The following SUN1 variants were observed in gnomAD, a reference collection of about 807,000 sequenced individuals.
SUN1 encodes SUN domain-containing protein 1.
SUN1 carries 61 observed loss-of-function variants against 103.2 expected under a neutral mutation model. The observed-to-expected ratio is 0.59, with a 90% CI of 0.48 to 0.73. SUN1 has a LOEUF of 0.73. Ranked by LOEUF, SUN1 falls within the 30% of genes least tolerant of loss-of-function variation. The pLI is 0.00. For missense variants in SUN1, 1,052 were observed against 1,034.6 expected, an observed-to-expected ratio of 1.02 and a Z score of -0.23; for synonymous variants, 490 against 425.7, an observed-to-expected ratio of 1.15 and a Z score of -1.86.
upstream of SUN1, among the ~76,000 whole-genome samples, chr7:829,460 G>A (rs1795870985): frequency 6.6e-6 from 1 of 152,192 alleles, no homozygotes; most frequent in Non-Finnish European, 1.5e-5. Context: ...TAGCTGTAGG[G>A]CTCATCGGTG....
chr7:843,314 G>T lies in SUN1; in HGVS notation c.479-27G>T, dbSNP rs758614627. The T allele has an allele frequency of 2.5e-6, 4 of 1,604,474 alleles. No individual in the cohort carries two copies. In the Admixed American group the frequency reaches 5.2e-5, roughly 21 times the overall value. ...AATATCTGCAGACTGTGATAAACAG[G>T]TTCCATCTACTGTTTGAAAACTTTA... On this transcript the variant is annotated intron_variant, in intron 4 of 18. Transcript: ENST00000401592.
intron 1 of SUN1, among the ~76,000 whole-genome samples, chr7:838,397 C>G (rs1805635382): frequency 2.6e-5 from 4 of 152,196 alleles, no homozygotes. Flanking sequence ...TGGATTCATT[C>G]TACGGCGCAC....
At chr7:828,511 G>A (rs564540240), upstream of SUN1, among the ~76,000 whole-genome samples, 3 of 152,154 alleles carry the variant, frequency 2.0e-5, no homozygotes. Flanking sequence ...ACTTCAGGTG[G>A]TCTGCCTGCC....
intron 1 of SUN1, among the ~76,000 whole-genome samples, chr7:833,807 C>G (rs533421735): frequency 3.3e-5 from 5 of 152,336 alleles, no homozygotes; most frequent in Non-Finnish European, 5.9e-5. Context: ...GTGGTGAGAA[C>G]AGAACGGGCA....
At chr7:837,557 T>C (rs996832361) in intron 1 of SUN1, among the ~76,000 whole-genome samples, 2 of 152,252 alleles carry the variant, frequency 1.3e-5, no homozygotes, top group African/African-American at 4.8e-5. Flanking sequence ...AGATCTCTTA[T>C]CTTCAGAGTT....
At chr7:834,224 G>C (rs145097596) in intron 1 of SUN1, among the ~76,000 whole-genome samples, 11 of 148,210 alleles carry the variant, frequency 7.4e-5, no homozygotes, top group Non-Finnish European at 1.1e-4. Flanking sequence ...GGGGCTGGCC[G>C]GATGGTGTAG....
intron 16 of SUN1, among the ~76,000 whole-genome samples, 199 bp downstream of exon 16, chr7:866,266 T>G (rs945873515): frequency 1.3e-5 from 2 of 152,182 alleles, no homozygotes; most frequent in Admixed American, 1.3e-4. Context: ...ATCTGTTGGC[T>G]TGGGTTTAGC....
chr7:831,167 T>C (rs116809727), upstream of SUN1: 1,107 of 348,618 alleles, frequency 3.2e-3, 15 homozygotes, highest in African/African-American at 0.023. Flanking sequence ...TGTTGAAGCG[T>C]AAGTTCCTGG....
upstream of SUN1, chr7:831,951 AT>A (rs1334057318): frequency 6.8e-6 from 5 of 739,710 alleles, no homozygotes; most frequent in South Asian, 6.1e-5. Context: ...AACCTAAAAA[AT>A]ATCCTGTTTT....
chr7:852,651 A>T lies in SUN1; in HGVS notation c.894A>T (p.Pro298=). The stretch of plus-strand genomic sequence containing the variant: ...GCAAGTTTTTAGTCTTGCTCATCCC[A>T]CTCTTCCTTTTACTAGGTAAGTCAA... ...NICKFLVLLI[P]LFLLLAGLSL... is the part of the protein sequence containing the mutation. Residue 298 remains proline, a synonymous_variant, in exon 8 of 19, where the codon CCA becomes CCT. Coordinates refer to ENST00000401592, the MANE Select transcript of SUN1 (RefSeq NM_001130965.3). The T allele has an allele frequency of 1.2e-6, 2 of 1,613,482 alleles. No homozygotes were observed. Among genetic ancestry groups the T allele is most frequent in the Non-Finnish European group, 1.7e-6 (2 of 1,179,878 alleles).
intron 15 of SUN1, among the ~76,000 whole-genome samples, chr7:862,413 G>C (rs771326538): frequency 3.9e-5 from 6 of 152,204 alleles, no homozygotes; most frequent in Non-Finnish European, 5.9e-5. Context: ...GCCACCCTCT[G>C]AGTTCTTTCT....
intron 13 of SUN1, among the ~76,000 whole-genome samples, chr7:859,168 A>G (rs1202540122): frequency 6.6e-6 from 1 of 151,384 alleles, no homozygotes. Flanking sequence ...AAAAAAAAAA[A>G]GAAAAAGAAA....
At chr7:842,154 T>G in intron 3 of SUN1, 24 bp downstream of exon 3, 2 of 1,603,980 alleles carry the variant, frequency 1.2e-6, no homozygotes, top group Non-Finnish European at 1.7e-6. Flanking sequence ...AGACACAGAT[T>G]GTCCCGCCTA....
chr7:867,081 T>C (rs1176294246), intron 16 of SUN1, among the ~76,000 whole-genome samples: 1 of 152,236 alleles, frequency 6.6e-6, no homozygotes, highest in Non-Finnish European at 1.5e-5. Flanking sequence ...GAAGTGCCTG[T>C]GACCTGACGT....
intron 16 of SUN1, 105 bp downstream of exon 16, chr7:866,172 G>T: frequency 1.0e-6 from 1 of 957,840 alleles, no homozygotes; most frequent in South Asian, 1.4e-5. Flanking sequence ...AGATGAACAC[G>T]TCTGTGGAAC....
At chr7:824,163 T>A (rs1166256057) in intron 1 of SUN1, among the ~76,000 whole-genome samples, 1 of 152,192 alleles carries the variant, frequency 6.6e-6, no homozygotes, top group Non-Finnish European at 1.5e-5. Flanking sequence ...CTTATGTGTA[T>A]GTGGTCCAGT....
chr7:816,078 T>G (rs1367485633), upstream of SUN1: 2 of 75,190 alleles, frequency 2.7e-5, no homozygotes, highest in Non-Finnish European at 5.2e-5. Context: ...GCGGACGCCC[T>G]CCCCCAGATG....
chr7:855,815 C>T (rs940286161), intron 11 of SUN1, among the ~76,000 whole-genome samples: 1 of 150,150 alleles, frequency 6.7e-6, no homozygotes, highest in African/African-American at 2.5e-5. Flanking sequence ...AGAGGGTCTG[C>T]GGGGCGCCTC....
chr7:829,854 A>C (rs899146965), upstream of SUN1, among the ~76,000 whole-genome samples: 20 of 152,216 alleles, frequency 1.3e-4, no homozygotes, highest in African/African-American at 4.8e-4. Flanking sequence ...GAGCCCGGCC[A>C]TAACTGTTCT....
Sources: allele counts gnomAD v4.1 joint callset (sites outside exome capture counted in the v4.1 genomes callset), GRCh38; gene constraint gnomAD v4.1.1; transcripts MANE v1.5; gene names NCBI Gene and HGNC (gene_info 2026-07-23, HGNC 2026-07-21).